TLN2: variants seen among roughly 807,000 people sequenced by gnomAD.
TLN2 encodes talin 2, also known as talin-2.
Under a neutral mutation model 294.7 loss-of-function variants are expected in TLN2, and 118 were observed. The ratio of observed to expected loss-of-function variants is 0.40; its 90% confidence interval spans 0.34 to 0.47. The LOEUF (loss-of-function observed/expected upper bound fraction) is 0.47. TLN2 is among the 20% of genes least tolerant of loss of function. The pLI, the probability that TLN2 is intolerant of heterozygous loss-of-function variation, is 0.84. For synonymous variants in TLN2, 1,431 were observed against 1,304.5 expected, an observed-to-expected ratio of 1.10 and a Z score of -2.09; for missense variants, 3,083 against 3,282.2, an observed-to-expected ratio of 0.94 and a Z score of 1.48.
intron 16 of TLN2, 101 bp downstream of exon 16, chr15:62,698,968 G>T: frequency 8.7e-7 from 1 of 1,144,122 alleles, no homozygotes; most frequent in Non-Finnish European, 1.3e-6. Flanking sequence ...CTATCTCTAG[G>T]TGAAATGGAA....
At chr15:62,628,276 A>G (rs976580086) in intron 3 of TLN2, among the ~76,000 whole-genome samples, 3 of 152,354 alleles carry the variant, frequency 2.0e-5, no homozygotes, top group Admixed American at 1.3e-4. Flanking sequence ...TTTTGAAACT[A>G]TTCATGTACC....
Position 62,805,610 on chromosome 15 carries a change from C to T in TLN2, c.6488C>T (p.Ser2163Leu), listed in dbSNP as rs139180466. ...GTTTCTGACTTCCAGGTGTTCCAGT[C>T]AAAAGACGTACCTGAAAAGACATCA... ...CIKQELTVFQ[S>L]KDVPEKTSSP... The change falls in exon 51 of 59, where the codon TCA becomes TTA. Residue 2163 changes from serine to leucine, a missense_variant. By Grantham distance (145) the Ser-to-Leu change is moderately radical. Transcript: ENST00000636159. 2.1e-4 allele frequency: 328 copies of T among 1,599,362 alleles called. 1 individual carries two copies. In the East Asian group the frequency reaches 5.8e-3, roughly 28 times the overall value.
chr15:62,627,286 G>A (rs528765353), intron 3 of TLN2, among the ~76,000 whole-genome samples: 2 of 152,160 alleles, frequency 1.3e-5, no homozygotes, highest in Admixed American at 6.5e-5. Context: ...GTGCCTTTTG[G>A]TAGGGTGGAA....
At position 62,844,041 on chromosome 15, in the gene TLN2, G is replaced by C. The variant is rs2070967025; in HGVS notation, c.*3431G>C. On this transcript the variant is annotated 3_prime_UTR_variant, in exon 59 of 59. Transcript: ENST00000636159. ...TGACCAAGGGGCTGGCTGCTTCTGA[G>C]ACTTACCAACCCAAGAAATTTGGAG... 1 of 152,230 alleles carries C rather than the reference G, an allele frequency of 6.6e-6. No homozygotes were observed. Among genetic ancestry groups the C allele is most frequent in the African/African-American group, 2.4e-5 (1 of 41,462 alleles). The allele number at this position is 152,230 out of a possible 1,614,324, so 9.4% of individuals were successfully genotyped here. A position where few individuals can be genotyped will look rare whatever the true frequency, so the allele number is the denominator to read the frequency against.
intron 46 of TLN2, 91 bp from the exon 47 acceptor site, chr15:62,796,033 ACTC>A: frequency 1.3e-6 from 2 of 1,482,474 alleles, no homozygotes; most frequent in Middle Eastern, 1.8e-4. Context: ...AGCTACATCA[ACTC>A]CTAGGAGAGA....
chr15:62,400,346 A>C (rs547589195), intron 1 of TLN2, among the ~76,000 whole-genome samples: 1 of 152,348 alleles, frequency 6.6e-6, no homozygotes, highest in South Asian at 2.1e-4. Flanking sequence ...GAAAGTTAGA[A>C]TCTCAGTCAA....
At chr15:62,802,497 A>G (rs1246950789) in intron 50 of TLN2, among the ~76,000 whole-genome samples, 2 of 152,188 alleles carry the variant, frequency 1.3e-5, no homozygotes, top group Non-Finnish European at 2.9e-5. Context: ...TACTTCATAT[A>G]TATGATCTTG....
At chr15:62,691,258 A>G (rs28879774) in intron 12 of TLN2, among the ~76,000 whole-genome samples, 16,874 of 152,100 alleles carry the variant, frequency 0.11, 1,985 homozygotes, top group African/African-American at 0.3. Flanking sequence ...CTGTCCTATA[A>G]GTCCGTGAAG....
intron 3 of TLN2, chr15:62,637,127 A>G (rs979528396): frequency 1.3e-5 from 2 of 152,196 alleles, no homozygotes; most frequent in Admixed American, 1.3e-4. Context: ...AAGTAATGGG[A>G]TGAGTTATTC....
intron 2 of TLN2, among the ~76,000 whole-genome samples, chr15:62,602,826 A>C (rs2047109732): frequency 6.6e-6 from 1 of 151,220 alleles, no homozygotes; most frequent in African/African-American, 2.4e-5. Flanking sequence ...TCAGCATATG[A>C]ATTTTGGGGA....
chr15:62,442,204 T>G (rs1450947634), intron 1 of TLN2, among the ~76,000 whole-genome samples: 1 of 151,818 alleles, frequency 6.6e-6, no homozygotes, highest in Non-Finnish European at 1.5e-5. Context: ...TGAGTTAAAT[T>G]AGAGGATGTG....
In TLN2 at chr15:62,840,796, G is replaced by T; in HGVS notation, c.*186G>T. On this transcript the variant is annotated 3_prime_UTR_variant, in exon 59 of 59. Coordinates refer to ENST00000636159, the MANE Select transcript of TLN2 (RefSeq NM_015059.3). ...TGGCTGCATGATCGTGATGTCACAC[G>T]GTACAATGTCCTACCCACAACTCCT... 1.3e-6 allele frequency: 1 copy of T among 775,982 alleles called. No individual in the cohort carries two copies. Among genetic ancestry groups the T allele is most frequent in the Non-Finnish European group, 2.0e-6 (1 of 506,468 alleles). The allele number at this position is 775,982 out of a possible 1,614,324, so 48.1% of individuals were successfully genotyped here.
At chr15:62,715,223 A>T (rs1417639843) in intron 22 of TLN2, among the ~76,000 whole-genome samples, 1 of 152,258 alleles carries the variant, frequency 6.6e-6, no homozygotes, top group Admixed American at 6.5e-5. Context: ...TAGCTCAAAG[A>T]AATAGGTTCT....
intron 13 of TLN2, 150 bp downstream of exon 13, chr15:62,693,091 A>C (rs945143000): frequency 1.7e-6 from 1 of 597,390 alleles, no homozygotes; most frequent in Non-Finnish European, 2.9e-6. Context: ...ACACTTCGGG[A>C]GGCTGAGATA....
intron 2 of TLN2, among the ~76,000 whole-genome samples, chr15:62,591,337 C>G (rs926207085): frequency 1.3e-5 from 2 of 152,148 alleles, no homozygotes; most frequent in African/African-American, 4.8e-5. Flanking sequence ...GGACACATGA[C>G]TGCTGAGGGC....
intron 1 of TLN2, among the ~76,000 whole-genome samples, chr15:62,554,094 A>G (rs547040285): frequency 1.1e-4 from 16 of 152,112 alleles, no homozygotes; most frequent in African/African-American, 3.4e-4. Context: ...TTGGGTAAAC[A>G]TTATCTAGGA....
At position 62,686,684 on chromosome 15, in the gene TLN2, G is replaced by A; in HGVS notation, c.1001G>A (p.Gly334Glu). The A allele has an allele frequency of 3.1e-6, 5 of 1,613,978 alleles. No individual in the cohort carries two copies. Among genetic ancestry groups the A allele is most frequent in the Non-Finnish European group, 4.2e-6 (5 of 1,179,948 alleles). Residue 334 changes from glycine (G) to glutamate (E), a missense_variant, in exon 12 of 59, where the codon GGG becomes GAG. By Grantham distance (98) the Gly-to-Glu change is moderately conservative (BLOSUM62 -2). Coordinates refer to ENST00000636159, the MANE Select transcript of TLN2 (RefSeq NM_015059.3). ...AACAAGCTGGTGCCTCGCCTGCTGGGGATCACCAAAGACTCGGTGATGCGC... is the reference window on the plus strand; with the variant it reads ...AACAAGCTGGTGCCTCGCCTGCTGGAGATCACCAAAGACTCGGTGATGCGC... ...GKNKLVPRLLGITKDSVMRVD... is the reference protein window; with the variant it reads ...GKNKLVPRLLEITKDSVMRVD...
chr15:62,796,113 C>G lies in TLN2; in HGVS notation c.5884-14C>G. On this transcript the variant is annotated splice_polypyrimidine_tract_variant and intron_variant, in intron 46 of 58. Transcript: ENST00000636159. ...CATTTCTTAGCTCCCCTCACATTCC[C>G]TTTCTGCCTACAGGTCTCCTTGGTG... is the stretch of plus-strand genomic sequence containing the variant. The G allele has an allele frequency of 6.2e-7, 1 of 1,611,716 alleles. No homozygotes were observed. The highest frequency in any genetic ancestry group is 8.5e-7 in the Non-Finnish European group (1 of 1,179,274).
chr15:62,491,532 C>A (rs2038727924), intron 1 of TLN2, among the ~76,000 whole-genome samples: 1 of 152,014 alleles, frequency 6.6e-6, no homozygotes, highest in Non-Finnish European at 1.5e-5. Flanking sequence ...CCAAAGTGGG[C>A]AATCAGATAT....
Sources: gnomAD v4.1 joint callset for allele counts (sites outside exome capture counted in the v4.1 genomes callset) on GRCh38, gnomAD v4.1.1 for gene constraint, MANE v1.5 for transcripts, NCBI Gene and HGNC (gene_info 2026-07-23, HGNC 2026-07-21) for gene names.